Variants in PIK3CB observed in about 807,000 individuals in gnomAD.
The protein encoded by PIK3CB is phosphatidylinositol 4,5-bisphosphate 3-kinase catalytic subunit beta isoform.
Under a neutral mutation model 136.8 loss-of-function variants are expected in PIK3CB, and 39 were observed. The observed-to-expected ratio is 0.29, with a 90% CI of 0.22 to 0.37. The LOEUF is 0.37. Among genes scored for constraint, PIK3CB ranks in the 10% least tolerant of loss-of-function variants. The pLI, the probability that PIK3CB is intolerant of heterozygous loss-of-function variation, is 1.00. For synonymous variants in PIK3CB, 428 were observed against 436.6 expected, an observed-to-expected ratio of 0.98 and a Z score of 0.25; for missense variants, 868 against 1,275.4, an observed-to-expected ratio of 0.68 and a Z score of 4.87.
intron 20 of PIK3CB, 63 bp downstream of exon 20, chr3:138,664,973 G>T: frequency 9.0e-7 from 1 of 1,105,104 alleles, no homozygotes; most frequent in South Asian, 1.8e-5. Context: ...CTTCTATTGG[G>T]AGCATACAGT....
At position 138,712,293 on chromosome 3, in the gene PIK3CB, T is replaced by A; in HGVS notation, c.1314A>T (p.Val438=). Residue 438 remains valine (V), a synonymous_variant, in exon 10 of 24, where the codon GTA becomes GTT. Transcript: ENST00000674063. The part of the protein sequence containing the change: ...IRKAGKVHYP[V]AWVNTMVFDF... The stretch of plus-strand genomic sequence containing the variant: ...CAAAAACCATCGTATTTACCCACGC[T>A]ACAGGATAATGCTGTTGAAAAAGAT... 6.5e-7 allele frequency: 1 copy of A among 1,539,052 alleles called. No homozygotes were observed. The highest frequency in any genetic ancestry group is 8.9e-7 in the Non-Finnish European group (1 of 1,129,042).
chr3:138,766,932 G>A (rs1208799455), intron 2 of PIK3CB, among the ~76,000 whole-genome samples: 3 of 152,206 alleles, frequency 2.0e-5, no homozygotes, highest in Non-Finnish European at 2.9e-5. Flanking sequence ...ACTCTAAGGA[G>A]ATATATAGTA....
intron 1 of PIK3CB, among the ~76,000 whole-genome samples, chr3:138,824,654 T>C (rs1192396337): frequency 2.6e-5 from 4 of 151,122 alleles, no homozygotes; most frequent in African/African-American, 4.9e-5. Flanking sequence ...GATCACGCCA[T>C]TGCACTCCAG....
chr3:138,800,392 A>C (rs1403370457), intron 1 of PIK3CB, among the ~76,000 whole-genome samples: 2 of 150,860 alleles, frequency 1.3e-5, no homozygotes, highest in Admixed American at 1.3e-4. Context: ...TGGTGCAATC[A>C]TGGCTCACTG....
At chr3:138,788,964 C>CAAAAAAAAAAAAAAAAAAAAAAAAAAAA (rs57432821) in intron 2 of PIK3CB, among the ~76,000 whole-genome samples, 3 of 89,494 alleles carry the variant, frequency 3.4e-5, no homozygotes, top group African/African-American at 1.4e-4. Flanking sequence ...GACTTCGTCT[C>CAAAAAAAAAAAAAAAAAAAAAAAAAAAA]AAAAAAAAAA....
chr3:138,705,880 G>A (rs2044369507), intron 11 of PIK3CB, among the ~76,000 whole-genome samples: 1 of 152,160 alleles, frequency 6.6e-6, no homozygotes. Context: ...AGTCTCCAGA[G>A]TAGCTAGGAC....
chr3:138,718,923 T>C lies in PIK3CB; in HGVS notation c.1051-4204A>G, dbSNP rs906930876. Among the ~76,000 whole-genome samples, 4 of 152,166 alleles carry C rather than the reference T, an allele frequency of 2.6e-5. No homozygotes were observed. The East Asian group carries it at 7.7e-4, about 29-fold the overall frequency. ...TCTATATGCCTATTTTTGTATTAGATATGATTTTTTAAAACAACCATTTGG... is the reference window on the plus strand; with the variant it reads ...TCTATATGCCTATTTTTGTATTAGACATGATTTTTTAAAACAACCATTTGG... On this transcript the variant is annotated intron_variant, in intron 8 of 23. Transcript: ENST00000674063.
intron 2 of PIK3CB, among the ~76,000 whole-genome samples, chr3:138,785,677 T>C (rs549772590): frequency 6.6e-6 from 1 of 152,232 alleles, no homozygotes; most frequent in South Asian, 2.1e-4. Context: ...ACGCAAACGC[T>C]GCGGAAGGAA....
At chr3:138,754,746 T>C (rs553201721) in intron 4 of PIK3CB, among the ~76,000 whole-genome samples, 6 of 152,296 alleles carry the variant, frequency 3.9e-5, no homozygotes, top group East Asian at 1.9e-4. Flanking sequence ...CTAGCCTGAA[T>C]TATTATAGGG....
At chr3:138,700,728 TAGA>T in intron 12 of PIK3CB, among the ~76,000 whole-genome samples, 1 of 149,162 alleles carries the variant, frequency 6.7e-6, no homozygotes, top group Non-Finnish European at 1.5e-5. Context: ...GATAGATAGA[TAGA>T]TAGATAGATA....
intron 2 of PIK3CB, among the ~76,000 whole-genome samples, chr3:138,775,165 G>A (rs993802021): frequency 1.1e-4 from 17 of 152,174 alleles, no homozygotes; most frequent in Non-Finnish European, 1.8e-4. Context: ...TCTTTCACTG[G>A]TTATTCTCTC....
intron 21 of PIK3CB, among the ~76,000 whole-genome samples, chr3:138,660,126 C>T (rs1210001667): frequency 6.6e-6 from 1 of 151,848 alleles, no homozygotes; most frequent in Non-Finnish European, 1.5e-5. Flanking sequence ...ATGAGCCAAA[C>T]TGCCAGGGTT....
chr3:138,725,085 T>C (rs1387230823), intron 8 of PIK3CB, among the ~76,000 whole-genome samples: 1 of 152,086 alleles, frequency 6.6e-6, no homozygotes, highest in African/African-American at 2.4e-5. Context: ...GGGTGATAAA[T>C]ACACTAAAAG....
In PIK3CB at chr3:138,703,846, G is replaced by A. The variant is rs548804621; in HGVS notation, c.1581+597C>T. On this transcript the variant is annotated intron_variant, in intron 12 of 23. Coordinates refer to ENST00000674063, the MANE Select transcript of PIK3CB (RefSeq NM_006219.3). ...GCTAAAGACTGCACCTCTCAGATGCGTGTGTACTTAGGCATGGTCAGTAAG... is the reference window on the plus strand; with the variant it reads ...GCTAAAGACTGCACCTCTCAGATGCATGTGTACTTAGGCATGGTCAGTAAG... Among the ~76,000 whole-genome samples, 51 of 152,252 alleles carry A rather than the reference G, an allele frequency of 3.3e-4. No individual in the cohort carries two copies. In the South Asian group the frequency reaches 8.7e-3, roughly 26 times the overall value.
At chr3:138,689,784 T>A (rs1304983139) in intron 15 of PIK3CB, among the ~76,000 whole-genome samples, 1 of 152,228 alleles carries the variant, frequency 6.6e-6, no homozygotes, top group Non-Finnish European at 1.5e-5. Flanking sequence ...TCAAAAGCTA[T>A]GATATTCTAT....
At chr3:138,802,638 C>T (rs1048256067) in intron 1 of PIK3CB, among the ~76,000 whole-genome samples, 2 of 152,118 alleles carry the variant, frequency 1.3e-5, no homozygotes, top group African/African-American at 2.4e-5. Context: ...CTCTCAGGGT[C>T]CCCATACTGT....
Position 138,683,696 on chromosome 3 carries a change from T to C in PIK3CB, c.2407A>G (p.Ile803Val). The change falls in exon 18 of 24, where the codon ATT becomes GTT. Residue 803 changes from isoleucine (I) to valine (V), a missense_variant. This residue lies in a region of PIK3CB where 165 missense variants were observed against 295.4 expected (regional missense o/e 0.56). Transcript: ENST00000674063. ...KVFGEDSVGVIFKNGDDLRQD... is the reference protein window; with the variant it reads ...KVFGEDSVGVVFKNGDDLRQD... ...TACTTACCATCACCATTTTTAAAAA[T>C]CACTCCAACTGAATCCTCACCAAAT... 6.4e-7 allele frequency: 1 copy of C among 1,560,388 alleles called. No homozygotes were observed. Among genetic ancestry groups the C allele is most frequent in the Non-Finnish European group, 8.8e-7 (1 of 1,131,948 alleles).
chr3:138,791,531 T>A (rs1402719787), intron 2 of PIK3CB, among the ~76,000 whole-genome samples: 1 of 152,076 alleles, frequency 6.6e-6, no homozygotes, highest in Non-Finnish European at 1.5e-5. Flanking sequence ...AGCTCCACCA[T>A]CATACAGAGA....
intron 1 of PIK3CB, among the ~76,000 whole-genome samples, chr3:138,819,786 A>T (rs1933479185): frequency 6.6e-6 from 1 of 152,132 alleles, no homozygotes; most frequent in South Asian, 2.1e-4. Context: ...ACCAACCTGG[A>T]AAACATGGTG....
Sources: allele counts gnomAD v4.1 joint callset (sites outside exome capture counted in the v4.1 genomes callset), GRCh38; gene constraint gnomAD v4.1.1; regional missense constraint gnomAD v4.1.1; transcripts MANE v1.5; gene names NCBI Gene and HGNC (gene_info 2026-07-23, HGNC 2026-07-21).